Variants in DLGAP2 observed in about 807,000 individuals in gnomAD.
The protein encoded by DLGAP2 is DLG associated protein 2.
In DLGAP2, 26 loss-of-function variants were observed where a neutral mutation model predicts 100.3. The ratio of observed to expected loss-of-function variants is 0.26; its 90% CI spans 0.19 to 0.36. DLGAP2 has a LOEUF of 0.36. Ranked by LOEUF, DLGAP2 falls within the 10% of genes least tolerant of loss-of-function variation. DLGAP2 has a pLI of 1.00. For missense variants in DLGAP2, 1,858 were observed against 1,453.2 expected (o/e 1.28, Z -4.53); for synonymous variants, 886 against 630.1 (o/e 1.41, Z -6.08).
At chr8:928,371 C>T (rs888373212) in intron 2 of DLGAP2, among the ~76,000 whole-genome samples, 3 of 152,040 alleles carry the variant, frequency 2.0e-5, no homozygotes, top group Admixed American at 6.5e-5. Context: ...CGGGGATTTA[C>T]GGAGGTCGAG....
intron 1 of DLGAP2, among the ~76,000 whole-genome samples, chr8:847,999 G>C (rs4735942): frequency 0.23 from 35,396 of 152,048 alleles, 4,357 homozygotes; most frequent in Middle Eastern, 0.31. Context: ...CTTCTGCTAA[G>C]ATCTTGTTTA....
At chr8:759,549 G>A (rs926050881) in intron 1 of DLGAP2, among the ~76,000 whole-genome samples, 4 of 151,492 alleles carry the variant, frequency 2.6e-5, no homozygotes, top group African/African-American at 9.7e-5. Context: ...GGTGTGCACA[G>A]GTGTGTGTCC....
At chr8:896,209 G>A (rs1435803515) in intron 1 of DLGAP2, among the ~76,000 whole-genome samples, 2 of 141,870 alleles carry the variant, frequency 1.4e-5, no homozygotes, top group African/African-American at 5.3e-5. Context: ...GGGTTTGTTG[G>A]ATGGGGATGA....
chr8:1,105,956 C>G lies in DLGAP2; in HGVS notation c.74-152895C>G, dbSNP rs370920689. ...AGGAGTGTTTTCTATTGAAGGGAAC[C>G]ATTCTAGGAGGGTTTTCTATTGAAG... On this transcript the variant is annotated intron_variant, in intron 2 of 14. Transcript: ENST00000637795. 2.0e-5 allele frequency among the ~76,000 whole-genome samples: 3 copies of G among 146,546 alleles called. No homozygotes were observed. The East Asian group carries it at 6.3e-4, about 31-fold the overall frequency.
chr8:1,211,198 C>T (rs570658443), intron 2 of DLGAP2, among the ~76,000 whole-genome samples: 61 of 152,326 alleles, frequency 4.0e-4, no homozygotes, highest in Admixed American at 7.8e-4. Context: ...GGGCCACCGA[C>T]CTGCGGATCC....
chr8:819,131 A>T (rs1796539583), intron 1 of DLGAP2, among the ~76,000 whole-genome samples: 2 of 152,232 alleles, frequency 1.3e-5, no homozygotes, highest in African/African-American at 4.8e-5. Flanking sequence ...AGAATATATA[A>T]ATTTGCTACC....
At chr8:886,474 C>G (rs1229921716) in intron 1 of DLGAP2, among the ~76,000 whole-genome samples, 1 of 152,064 alleles carries the variant, frequency 6.6e-6, no homozygotes, top group Admixed American at 6.6e-5. Context: ...GGGTGTCTAT[C>G]TGACATCTTT....
chr8:811,331 G>C (rs896737482), intron 1 of DLGAP2, among the ~76,000 whole-genome samples: 2 of 152,212 alleles, frequency 1.3e-5, no homozygotes, highest in East Asian at 3.9e-4. Context: ...CGTGGTGAGA[G>C]GCCACCAGCT....
chr8:1,686,637 G>C (rs780452011), intron 12 of DLGAP2, among the ~76,000 whole-genome samples: 1 of 151,832 alleles, frequency 6.6e-6, no homozygotes, highest in Non-Finnish European at 1.5e-5. Context: ...TCACGCCACT[G>C]CACTCCAGCC....
rs1406998053 is a variant in DLGAP2 at position 1,248,917 on chromosome 8, A to C, written c.74-9934A>C. On this transcript the variant is annotated intron_variant, in intron 2 of 14. Coordinates refer to ENST00000637795, the MANE Select transcript of DLGAP2 (RefSeq NM_001346810.2). The stretch of plus-strand genomic sequence containing the variant: ...GGACACCTTTGGCATAAATAAGTGA[A>C]GGTGAAAACTTGACATTGGATGAAT... Among the ~76,000 whole-genome samples, 4 of 152,192 alleles carry C rather than the reference A, an allele frequency of 2.6e-5. No homozygotes were observed. In the East Asian group the frequency reaches 7.7e-4, roughly 29 times the overall value.
At chr8:1,275,110 C>A (rs1385243218) in intron 3 of DLGAP2, among the ~76,000 whole-genome samples, 2 of 152,158 alleles carry the variant, frequency 1.3e-5, no homozygotes, top group Admixed American at 1.3e-4. Flanking sequence ...AATTTAATTT[C>A]GAGCACTGGC....
chr8:1,661,982 T>C (rs1798419014), intron 8 of DLGAP2, among the ~76,000 whole-genome samples: 1 of 152,200 alleles, frequency 6.6e-6, no homozygotes, highest in Non-Finnish European at 1.5e-5. Context: ...ACGGTCACGC[T>C]CCTTACAGTA....
intron 3 of DLGAP2, among the ~76,000 whole-genome samples, chr8:1,497,885 G>A (rs1385626225): frequency 2.0e-5 from 3 of 152,170 alleles, no homozygotes; most frequent in African/African-American, 7.2e-5. Context: ...TATTTTGAAG[G>A]GGTTTATTCT....
intron 3 of DLGAP2, among the ~76,000 whole-genome samples, chr8:1,389,133 C>G (rs1291672257): frequency 3.3e-5 from 5 of 152,128 alleles, no homozygotes; most frequent in African/African-American, 4.8e-5. Flanking sequence ...GGGGAGGGCT[C>G]TGGTCCCACA....
At chr8:1,039,662 G>A (rs1403447914) in intron 2 of DLGAP2, among the ~76,000 whole-genome samples, 7 of 98,848 alleles carry the variant, frequency 7.1e-5, no homozygotes, top group Admixed American at 1.1e-4. Context: ...CTCGGTGTGG[G>A]TGGTCAGCTC....
chr8:1,669,949 C>A (rs901301091), intron 10 of DLGAP2, among the ~76,000 whole-genome samples, 165 bp downstream of exon 10: 1 of 152,194 alleles, frequency 6.6e-6, no homozygotes, highest in Non-Finnish European at 1.5e-5. Context: ...ACAAGGGGCT[C>A]ACCAGGGTCC....
chr8:1,496,050 C>G (rs986924216), intron 3 of DLGAP2, among the ~76,000 whole-genome samples: 14 of 152,176 alleles, frequency 9.2e-5, no homozygotes, highest in Admixed American at 2.0e-4. Context: ...ACAAGCCTGC[C>G]TGATACATAG....
At chr8:1,369,996 G>A (rs929970004) in intron 3 of DLGAP2, among the ~76,000 whole-genome samples, 3 of 152,138 alleles carry the variant, frequency 2.0e-5, no homozygotes, top group African/African-American at 4.8e-5. Flanking sequence ...GCTTCTTCAC[G>A]CAGTTGCCCT....
intron 2 of DLGAP2, among the ~76,000 whole-genome samples, chr8:986,482 G>A (rs1800490874): frequency 1.3e-5 from 2 of 152,002 alleles, no homozygotes; most frequent in Non-Finnish European, 2.9e-5. Context: ...AGTGTTAAGT[G>A]TTGCATAAGT....
Sources: gnomAD v4.1 joint callset for allele counts (sites outside exome capture counted in the v4.1 genomes callset) on GRCh38, gnomAD v4.1.1 for gene constraint, MANE v1.5 for transcripts, NCBI Gene and HGNC (gene_info 2026-07-23, HGNC 2026-07-21) for gene names.